The following PRDM16 variants were observed in gnomAD, a reference collection of about 807,000 sequenced individuals.
PRDM16 encodes the protein PR/SET domain 16, also known as histone-lysine N-methyltransferase PRDM16.
In PRDM16, 23 loss-of-function variants were observed where a neutral mutation model predicts 110.6. That is an observed-to-expected ratio of 0.21 (90% CI 0.15 to 0.29). The LOEUF (loss-of-function observed/expected upper bound fraction) is 0.29. Ranked by LOEUF, PRDM16 falls within the 10% of genes least tolerant of loss-of-function variation. PRDM16 has a pLI of 1.00. For missense variants in PRDM16, 1,615 were observed against 1,794.3 expected, an observed-to-expected ratio of 0.90 and a Z score of 1.81; for synonymous variants, 799 against 781.8, an observed-to-expected ratio of 1.02 and a Z score of -0.37.
Position 3,129,426 on chromosome 1 carries a change from T to C in PRDM16, c.38-56699T>C, listed in dbSNP as rs571054939. Among the ~76,000 whole-genome samples, 195 of 151,902 alleles carry C rather than the reference T, an allele frequency of 1.3e-3. 1 individual carries two copies. The highest frequency in any genetic ancestry group is 4.3e-3 in the African/African-American group (176 of 41,376). On this transcript the variant is annotated intron_variant, in intron 1 of 16. Transcript: ENST00000270722. ...CCTGCCTGGTGTGTGCTTGTGAGTG[T>C]GTGTATCCTTCCTGGTGTGCATGTG...
At chr1:3,309,468 A>G (rs1641396889) in intron 3 of PRDM16, 1 of 152,262 alleles carries the variant, frequency 6.6e-6, no homozygotes, top group Non-Finnish European at 1.5e-5. Flanking sequence ...CCAAGGCTTC[A>G]TAGAGTTCTC....
At chr1:3,136,274 C>T (rs965109262) in intron 1 of PRDM16, among the ~76,000 whole-genome samples, 7 of 152,210 alleles carry the variant, frequency 4.6e-5, no homozygotes, top group African/African-American at 1.4e-4. Context: ...GCCAGCCCCG[C>T]GCGATGCTCC....
chr1:3,226,891 C>T (rs932997827), intron 2 of PRDM16, among the ~76,000 whole-genome samples: 2 of 151,862 alleles, frequency 1.3e-5, no homozygotes, highest in Non-Finnish European at 2.9e-5. Context: ...AATGCCCGTT[C>T]TCTTTAAGAC....
intron 3 of PRDM16, among the ~76,000 whole-genome samples, chr1:3,362,407 C>T (rs374595815): frequency 1.1e-3 from 165 of 152,194 alleles, no homozygotes; most frequent in African/African-American, 3.6e-3. Flanking sequence ...GTCATGGTTG[C>T]GGCAAGAAGA....
intron 12 of PRDM16, among the ~76,000 whole-genome samples, chr1:3,421,780 G>A (rs1638435879): frequency 2.0e-5 from 3 of 152,236 alleles, no homozygotes; most frequent in South Asian, 4.1e-4. Context: ...GAGCCATTAG[G>A]TGGACTTTCT....
In PRDM16 at chr1:3,115,160, G is replaced by A. The variant is rs117239931; in HGVS notation, c.37+45864G>A. Among the ~76,000 whole-genome samples, 1,501 of 152,314 alleles carry A rather than the reference G, an allele frequency of 9.9e-3. 17 individuals are homozygous for A. Among genetic ancestry groups the A allele is most frequent in the African/African-American group, 0.023 (970 of 41,562 alleles). On this transcript the variant is annotated intron_variant, in intron 1 of 16. Transcript: ENST00000270722. ...CATTCCTCGGTGAGTGGTTGGGGGG[G>A]CACTCGCTATTGGATGGCACCCATC...
At chr1:3,298,523 G>A (rs1641139195) in intron 3 of PRDM16, among the ~76,000 whole-genome samples, 1 of 152,232 alleles carries the variant, frequency 6.6e-6, no homozygotes, top group Non-Finnish European at 1.5e-5. Flanking sequence ...GCCCGGAGAG[G>A]GCAGCCCCGG....
intron 1 of PRDM16, among the ~76,000 whole-genome samples, chr1:3,122,861 A>G (rs1165792262): frequency 6.6e-6 from 1 of 152,202 alleles, no homozygotes. Context: ...GCGGCTGGGA[A>G]TGAGAACCAG....
intron 1 of PRDM16, among the ~76,000 whole-genome samples, chr1:3,077,577 T>C (rs970522387): frequency 1.3e-5 from 2 of 152,190 alleles, no homozygotes; most frequent in African/African-American, 4.8e-5. Context: ...TCCTGGAATT[T>C]GGGGTCCTGG....
chr1:3,359,781 C>A lies in PRDM16; in HGVS notation c.439-25371C>A, dbSNP rs547968172. Among the ~76,000 whole-genome samples, 24 of 152,128 alleles carry A rather than the reference C, an allele frequency of 1.6e-4. No individual in the cohort carries two copies. The highest frequency in any genetic ancestry group is 5.8e-4 in the African/African-American group (24 of 41,440). On this transcript the variant is annotated intron_variant, in intron 3 of 16. Transcript: ENST00000270722. The surrounding 1 kb of genome is among the most constrained non-coding windows in gnomAD (Gnocchi z 4.3). ...CCTCAGCGGCAGCCAGAAGGCAAGG[C>A]GGGAAAAACGAGCCTGGCCTGAAAC...
intron 8 of PRDM16, among the ~76,000 whole-genome samples, chr1:3,409,134 AGT>A (rs1219400717): frequency 6.9e-5 from 8 of 116,214 alleles, no homozygotes; most frequent in Non-Finnish European, 1.1e-4. Flanking sequence ...GATGCATGTG[AGT>A]GTGTGAGTGT....
intron 3 of PRDM16, among the ~76,000 whole-genome samples, chr1:3,313,694 C>A (rs1641522467): frequency 1.3e-5 from 2 of 152,246 alleles, no homozygotes; most frequent in African/African-American, 4.8e-5. Context: ...TCCGCCAGTG[C>A]CGCAGTTGCT....
At chr1:3,397,400 C>T (rs1419512510) in intron 5 of PRDM16, among the ~76,000 whole-genome samples, 1 of 152,248 alleles carries the variant, frequency 6.6e-6, no homozygotes, top group Non-Finnish European at 1.5e-5. Context: ...GAGAAAATTC[C>T]AGTCCCACAC....
intron 8 of PRDM16, among the ~76,000 whole-genome samples, chr1:3,410,719 C>T (rs1405806976): frequency 2.0e-5 from 3 of 152,194 alleles, no homozygotes; most frequent in African/African-American, 7.2e-5. Flanking sequence ...GGTCAGCGTC[C>T]TGCCCCCACC....
chr1:3,164,024 C>T (rs1041222137), intron 1 of PRDM16, among the ~76,000 whole-genome samples: 3 of 152,250 alleles, frequency 2.0e-5, no homozygotes, highest in Non-Finnish European at 4.4e-5. Context: ...GTTCCCTGAT[C>T]CTCATCCAGC....
intron 12 of PRDM16, among the ~76,000 whole-genome samples, chr1:3,421,739 C>T (rs1003392449): frequency 1.3e-5 from 2 of 152,230 alleles, no homozygotes; most frequent in African/African-American, 4.8e-5. Context: ...CATTTCTTAC[C>T]TCGGATCCAC....
intron 1 of PRDM16, among the ~76,000 whole-genome samples, chr1:3,178,933 T>TA (rs1454428747): frequency 1.3e-5 from 2 of 152,128 alleles, no homozygotes; most frequent in Admixed American, 6.5e-5. Context: ...ACCCAACCTC[T>TA]AAAACCTTCC....
intron 1 of PRDM16, among the ~76,000 whole-genome samples, chr1:3,077,290 T>C (rs1371631178): frequency 6.6e-6 from 1 of 152,066 alleles, no homozygotes; most frequent in Non-Finnish European, 1.5e-5. Context: ...AAACCCAGGC[T>C]CTGTTCACCC....
rs1417004614 is a variant in PRDM16 at position 3,181,469 on chromosome 1, CACACGCAGTCTT to C, written c.38-4651_38-4640del. 5.2e-5 allele frequency among the ~76,000 whole-genome samples: 4 copies of C among 76,220 alleles called. 2 individuals carry two copies. The highest frequency in any genetic ancestry group is 6.2e-5 in the Non-Finnish European group (2 of 32,020). The allele number at this position is 76,220 out of a possible 152,430, so 50.0% of individuals were successfully genotyped here. ...TTACACGGTCTTACACACGGTCTTACACACGCAGTCTTACACACAGCCTTACGCATGGTCTTA... is the reference window on the plus strand; with the variant it reads ...TTACACGGTCTTACACACGGTCTTACACACACAGCCTTACGCATGGTCTTA... On this transcript the variant is annotated intron_variant, in intron 1 of 16. Coordinates refer to ENST00000270722, the MANE Select transcript of PRDM16 (RefSeq NM_022114.4).
Sources: allele counts gnomAD v4.1 joint callset (sites outside exome capture counted in the v4.1 genomes callset), GRCh38; gene constraint gnomAD v4.1.1; non-coding constraint Gnocchi (gnomAD v3.1); transcripts MANE v1.5; gene names NCBI Gene and HGNC (gene_info 2026-07-23, HGNC 2026-07-21).